NID1: variants seen among roughly 807,000 people sequenced by gnomAD.
The protein encoded by NID1 is nidogen 1, also known as nidogen-1.
NID1 carries 76 observed loss-of-function variants against 130.6 expected under a neutral mutation model. The observed-to-expected ratio is 0.58, with a 90% CI of 0.48 to 0.70. NID1 has a LOEUF of 0.70. NID1 is among the 30% of genes least tolerant of loss of function. The probability of loss-of-function intolerance (pLI) is 0.00; values close to 1 mark genes in which losing one functional copy is unlikely to be tolerated. For missense variants in NID1, 1,517 were observed against 1,664.8 expected (o/e 0.91, Z 1.54); for synonymous variants, 665 against 675.1 (o/e 0.98, Z 0.23).
rs760919578 is a variant in NID1, at chr1:236,013,467, G to A, written c.2348C>T (p.Ser783Phe). Residue 783 changes from serine (S) to phenylalanine (F), a missense_variant, in exon 11 of 20, where the codon TCC (serine) becomes TTC (phenylalanine). Physicochemically the swap from Ser to Phe is radical, Grantham distance 155 (BLOSUM62 -2). Transcript: ENST00000264187. Reference protein sequence around the residue: ...QRAQCIYTGGSSYTCSCLPGF... With the variant: ...QRAQCIYTGGFSYTCSCLPGF... The stretch of plus-strand genomic sequence containing the variant: ...TGGCAAGCAGGAACAGGTGTAGGAG[G>A]AGCCTCCTGTGTAGATACACTGGGC... 3.7e-6 allele frequency: 6 copies of A among 1,614,130 alleles called. No individual in the cohort carries two copies. The highest frequency in any genetic ancestry group is 4.5e-5 in the East Asian group (2 of 44,872).
In NID1 at chr1:236,029,765, G is replaced by T; in HGVS notation, c.1538-15C>A. 6.2e-7 allele frequency: 1 copy of T among 1,613,812 alleles called. No homozygotes were observed. The highest frequency in any genetic ancestry group is 8.5e-7 in the Non-Finnish European group (1 of 1,179,864). ...GAACTCACCCCCTGAAAAACAAGAT[G>T]AGACTGTCACTTTGCTGACTGGGGA... On this transcript the variant is annotated splice_polypyrimidine_tract_variant and intron_variant, in intron 6 of 19. Coordinates refer to ENST00000264187, the MANE Select transcript of NID1 (RefSeq NM_002508.3).
At chr1:236,023,714 A>T (rs1658836820) in intron 9 of NID1, among the ~76,000 whole-genome samples, 1 of 152,198 alleles carries the variant, frequency 6.6e-6, no homozygotes. Flanking sequence ...GATGTTGTGA[A>T]GCACTTAGTT....
At chr1:236,052,168 A>AAT (rs1245665274) in intron 1 of NID1, among the ~76,000 whole-genome samples, 1 of 152,266 alleles carries the variant, frequency 6.6e-6, no homozygotes, top group Non-Finnish European at 1.5e-5. Context: ...TCCTGGAAGT[A>AAT]ACAGTTAATA....
At chr1:236,025,466 T>C (rs2102826389) in intron 8 of NID1, among the ~76,000 whole-genome samples, 1 of 152,128 alleles carries the variant, frequency 6.6e-6, no homozygotes, top group Admixed American at 6.5e-5. Context: ...TTCACCATGT[T>C]GGCCAGGCTG....
At chr1:236,055,306 AAATAAT>A (rs573471764) in intron 1 of NID1, among the ~76,000 whole-genome samples, 2 of 151,192 alleles carry the variant, frequency 1.3e-5, no homozygotes, top group African/African-American at 2.4e-5. Context: ...TCCATCTCAA[AAATAAT>A]AATAATAATA....
At chr1:236,036,065 C>A (rs960457268) in intron 5 of NID1, among the ~76,000 whole-genome samples, 5 of 152,112 alleles carry the variant, frequency 3.3e-5, no homozygotes, top group Non-Finnish European at 7.4e-5. Flanking sequence ...CTGCCAAACA[C>A]AAACTGTTCA....
At position 235,979,048 on chromosome 1, in the gene NID1, TG is replaced by T. The variant is rs1407483589; in HGVS notation, c.3568del (p.His1190ThrfsTer25). The T allele has an allele frequency of 6.2e-7, 1 of 1,613,906 alleles. No homozygotes were observed. The highest frequency in any genetic ancestry group is 8.5e-7 in the Non-Finnish European group (1 of 1,179,968). ...ISKETDAFQP[H>X]KQTRLYGITT... The stretch of plus-strand genomic sequence containing the variant: ...GATGCCATACAGCCGGGTCTGCTTG[TG>T]GGGTTGGAAAGCATCCGTCTCCTTG... On this transcript the variant is annotated frameshift_variant, in exon 19 of 20. Coordinates refer to ENST00000264187, the MANE Select transcript of NID1 (RefSeq NM_002508.3). LOFTEE classifies it high-confidence loss of function. This position sits in a 1 kb window ranked among gnomAD's most constrained non-coding sequence, Gnocchi z 4.6.
chr1:235,996,849 T>C (rs1327935388), intron 12 of NID1, among the ~76,000 whole-genome samples: 2 of 152,054 alleles, frequency 1.3e-5, no homozygotes, highest in East Asian at 3.9e-4. Context: ...TGCTTTTTTT[T>C]CTGAGATGGA....
intron 7 of NID1, among the ~76,000 whole-genome samples, chr1:236,026,721 AATG>A (rs1230073251): frequency 2.0e-5 from 3 of 151,426 alleles, no homozygotes; most frequent in Non-Finnish European, 4.4e-5. Context: ...TGATTCAATA[AATG>A]GTGATTTCTT....
chr1:236,029,274 T>C (rs565567799), intron 7 of NID1, among the ~76,000 whole-genome samples: 1 of 152,352 alleles, frequency 6.6e-6, no homozygotes, highest in East Asian at 1.9e-4. Context: ...AGATAGATGC[T>C]GGAGAAAAAG....
intron 5 of NID1, among the ~76,000 whole-genome samples, chr1:236,034,514 T>C (rs1659196345): frequency 1.3e-5 from 2 of 151,530 alleles, no homozygotes; most frequent in Admixed American, 1.3e-4. Flanking sequence ...ATCATCATCA[T>C]GCTAAGGGAA....
intron 12 of NID1, among the ~76,000 whole-genome samples, chr1:236,008,247 G>A (rs552170342): frequency 2.0e-5 from 3 of 152,300 alleles, no homozygotes; most frequent in East Asian, 1.9e-4. Flanking sequence ...GTGGAGCAGC[G>A]TGCAGAAGAC....
chr1:236,000,849 G>A (rs1201996947), intron 12 of NID1, among the ~76,000 whole-genome samples: 1 of 152,202 alleles, frequency 6.6e-6, no homozygotes, highest in African/African-American at 2.4e-5. Context: ...GGAGAGAGGG[G>A]AGGTGCTCAC....
chr1:236,008,016 A>C (rs1658298595), intron 12 of NID1, among the ~76,000 whole-genome samples: 1 of 152,320 alleles, frequency 6.6e-6, no homozygotes, highest in South Asian at 2.1e-4. Context: ...ACACGCATAC[A>C]CATGTGCACA....
At chr1:236,002,309 CCTGG>C (rs1334622934) in intron 12 of NID1, among the ~76,000 whole-genome samples, 1 of 152,174 alleles carries the variant, frequency 6.6e-6, no homozygotes, top group Non-Finnish European at 1.5e-5. Flanking sequence ...TTGAGACCAG[CCTGG>C]CTAACATGGT....
Position 236,045,560 on chromosome 1 carries a change from C to A in NID1, c.649G>T (p.Ala217Ser), listed in dbSNP as rs1226947174. The part of the protein sequence containing the change: ...FSKKENNQVP[A>S]VVAFSQGSVG... ...GAACCTTGACTGAATGCAACCACGG[C>A]AGGAACTTGGTTGTTTTCCTTCTTT... The change falls in exon 3 of 20, where the codon GCC becomes TCC. Residue 217 changes from alanine to serine, a missense_variant. Coordinates refer to ENST00000264187, the MANE Select transcript of NID1 (RefSeq NM_002508.3). 1 of 1,614,138 alleles carries A rather than the reference C, an allele frequency of 6.2e-7. No homozygotes were observed.
chr1:235,988,713 C>T (rs1273074747), intron 14 of NID1, among the ~76,000 whole-genome samples: 1 of 152,124 alleles, frequency 6.6e-6, no homozygotes, highest in Non-Finnish European at 1.5e-5. Context: ...ATGACACATG[C>T]TACAATGTGG....
intron 1 of NID1, 81 bp downstream of exon 1, chr1:236,064,774 C>T: frequency 7.2e-7 from 1 of 1,398,010 alleles, no homozygotes; most frequent in Non-Finnish European, 9.9e-7. Flanking sequence ...GCCTGCTACG[C>T]CCAAGTCCGT....
At chr1:236,008,633 TG>T (rs1181406261) in intron 12 of NID1, among the ~76,000 whole-genome samples, 3 of 151,854 alleles carry the variant, frequency 2.0e-5, no homozygotes, top group Non-Finnish European at 4.4e-5. Context: ...CCTGAGTAAC[TG>T]GGATTACAGG....
Sources: allele counts gnomAD v4.1 joint callset (sites outside exome capture counted in the v4.1 genomes callset), GRCh38; gene constraint gnomAD v4.1.1; non-coding constraint Gnocchi (gnomAD v3.1); transcripts MANE v1.5; gene names NCBI Gene and HGNC (gene_info 2026-07-23, HGNC 2026-07-21).